The following SLC47A2 variants were observed in gnomAD, a reference collection of about 807,000 sequenced individuals.
SLC47A2 encodes multidrug and toxin extrusion protein 2.
Under a neutral mutation model 67.7 loss-of-function variants are expected in SLC47A2, and 52 were observed. The observed-to-expected ratio is 0.77, with a 90% CI of 0.61 to 0.97. The LOEUF (loss-of-function observed/expected upper bound fraction) is 0.97, where lower values mean the gene tolerates loss of function less well. Ranked by LOEUF, SLC47A2 falls within the 50% of genes least tolerant of loss-of-function variation. The probability of loss-of-function intolerance (pLI) is 0.00; values close to 1 mark genes in which losing one functional copy is unlikely to be tolerated. For synonymous variants in SLC47A2, 278 were observed against 292.9 expected (o/e 0.95, Z 0.52); for missense variants, 676 against 712.3 (o/e 0.95, Z 0.58).
At position 19,685,143 on chromosome 17, in the gene SLC47A2, A is replaced by G. The variant is rs890694156; in HGVS notation, c.1165-3473T>C. ...TTGCAGACGGAGTCTCGCTCACTCA[A>G]TGCTCAATGTTGCCCAGGCTGGAGT... On this transcript the variant is annotated intron_variant, in intron 13 of 16. Coordinates refer to ENST00000433844, the MANE Select transcript of SLC47A2 (RefSeq NM_001099646.3). The surrounding 1 kb of genome is among the most constrained non-coding windows in gnomAD (Gnocchi z 4.5). 2.6e-5 allele frequency among the ~76,000 whole-genome samples: 4 copies of G among 152,166 alleles called. No individual in the cohort carries two copies. The highest frequency in any genetic ancestry group is 2.9e-5 in the Non-Finnish European group (2 of 67,998).
At chr17:19,697,589 T>C (rs1242124212) in intron 13 of SLC47A2, among the ~76,000 whole-genome samples, 2 of 152,172 alleles carry the variant, frequency 1.3e-5, no homozygotes, top group African/African-American at 4.8e-5. Flanking sequence ...AAATTTGTTT[T>C]ATTTATTTTG....
At chr17:19,687,401 C>T (rs967736937) in intron 13 of SLC47A2, among the ~76,000 whole-genome samples, 2 of 151,796 alleles carry the variant, frequency 1.3e-5, no homozygotes, top group African/African-American at 4.8e-5. Context: ...GAAAACCAAA[C>T]CCAAAATTAG....
chr17:19,695,780 A>G (rs1368822017), intron 13 of SLC47A2, among the ~76,000 whole-genome samples: 4 of 150,978 alleles, frequency 2.6e-5, no homozygotes, highest in Non-Finnish European at 5.9e-5. Context: ...CTGGTGTGTA[A>G]TGGCACAACC....
At chr17:19,716,168 G>T in intron 1 of SLC47A2, 1 of 456,472 alleles carries the variant, frequency 2.2e-6, no homozygotes. Context: ...TCAGGCTTTT[G>T]TGGGTTTCCA....
In SLC47A2 at chr17:19,678,713, C is replaced by T. The variant is rs542720147; in HGVS notation, c.1674G>A (p.Thr558=). The T allele has an allele frequency of 2.7e-5, 44 of 1,613,142 alleles. No homozygotes were observed. The highest frequency in any genetic ancestry group is 2.7e-4 in the East Asian group (12 of 44,876). The part of the protein sequence containing the change: ...AASATLMVGL[T]VRILATRH ...AGTGCCTGGTGGCTAGGATCCTGAC[C>T]GTGAGCCCCACCATCAGTGTGGCTG... The change falls in exon 17 of 17, where the codon ACG becomes ACA. Residue 558 remains threonine, a synonymous_variant. Coordinates refer to ENST00000433844, the MANE Select transcript of SLC47A2 (RefSeq NM_001099646.3).
chr17:19,679,698 A>G (rs1157265055), intron 16 of SLC47A2, among the ~76,000 whole-genome samples: 2 of 152,026 alleles, frequency 1.3e-5, no homozygotes, highest in African/African-American at 4.8e-5. Context: ...TCACTTCCTC[A>G]TCTGAAAATG....
intron 13 of SLC47A2, among the ~76,000 whole-genome samples, chr17:19,682,332 C>CAA (rs1008100860): frequency 7.2e-5 from 10 of 138,604 alleles, no homozygotes; most frequent in Admixed American, 6.9e-4. Flanking sequence ...GACTTGGTCA[C>CAA]ACACACACAC....
At chr17:19,679,372 G>T (rs886331621) in intron 16 of SLC47A2, among the ~76,000 whole-genome samples, 1 of 152,194 alleles carries the variant, frequency 6.6e-6, no homozygotes, top group Non-Finnish European at 1.5e-5. Context: ...CACACGCCTG[G>T]CACTCAGGAC....
intron 5 of SLC47A2, 23 bp downstream of exon 5, chr17:19,712,680 G>T (rs202066716): frequency 5.6e-6 from 9 of 1,611,532 alleles, no homozygotes; most frequent in Non-Finnish European, 7.6e-6. Flanking sequence ...GTGATTCCAC[G>T]CTCAGCAAAC....
At chr17:19,679,473 GAGGT>G (rs2085265569) in intron 16 of SLC47A2, among the ~76,000 whole-genome samples, 1 of 152,170 alleles carries the variant, frequency 6.6e-6, no homozygotes, top group African/African-American at 2.4e-5. Flanking sequence ...GGGGTGGAGA[GAGGT>G]AGATAGCAGG....
chr17:19,681,230 A>AAACAAAC (rs2085306977), intron 15 of SLC47A2, 137 bp downstream of exon 15: 1 of 684,486 alleles, frequency 1.5e-6, no homozygotes, highest in Admixed American at 3.0e-5. Flanking sequence ...AACAAACAAA[A>AAACAAAC]AAAAAAAACA....
At chr17:19,716,668 T>A (rs2086278148), upstream of SLC47A2, 2 of 1,417,990 alleles carry the variant, frequency 1.4e-6, no homozygotes, top group South Asian at 3.1e-5. Flanking sequence ...GGCTGATGAG[T>A]AAGGGGCAGG....
rs371191511 is a variant in SLC47A2, at chr17:19,708,349, G to A, written c.582C>T (p.Asn194=). Residue 194 remains asparagine (N), a synonymous_variant, in exon 7 of 17, where the codon AAC becomes AAT. Transcript: ENST00000433844. ...VLSGVVGNCV[N]GVANYALVSV... ...AAACCAGGGCATAGTTGGCCACACC[G>A]TTGACACAGTTGCCCACCACACCAC... 2.6e-5 allele frequency: 42 copies of A among 1,613,756 alleles called. No homozygotes were observed. The highest frequency in any genetic ancestry group is 1.1e-4 in the African/African-American group (8 of 74,932).
intron 13 of SLC47A2, among the ~76,000 whole-genome samples, chr17:19,693,996 T>C (rs1325242198): frequency 6.6e-6 from 1 of 152,162 alleles, no homozygotes; most frequent in Admixed American, 6.5e-5. Context: ...ATGAACAATC[T>C]AAAATGAAAT....
intron 13 of SLC47A2, among the ~76,000 whole-genome samples, chr17:19,687,972 T>TA (rs2085461753): frequency 6.6e-6 from 1 of 152,094 alleles, no homozygotes; most frequent in African/African-American, 2.4e-5. Context: ...AAAGAACCAA[T>TA]ACCAGTCCTA....
chr17:19,701,333 G>A (rs1167300503), intron 13 of SLC47A2, among the ~76,000 whole-genome samples: 6 of 152,110 alleles, frequency 3.9e-5, no homozygotes, highest in African/African-American at 1.4e-4. Context: ...CGAGCTTGTC[G>A]CTTTCTGAAT....
chr17:19,682,368 TTTATTA>T (rs1309126245), intron 13 of SLC47A2, among the ~76,000 whole-genome samples: 1 of 113,212 alleles, frequency 8.8e-6, no homozygotes, highest in African/African-American at 3.4e-5. Context: ...CACACACAAA[TTTATTA>T]TTTTATTTTA....
At chr17:19,706,354 C>T (rs984071277) in intron 9 of SLC47A2, among the ~76,000 whole-genome samples, 3 of 152,222 alleles carry the variant, frequency 2.0e-5, no homozygotes, top group East Asian at 1.9e-4. Flanking sequence ...CCCACGGGCA[C>T]CTGCTCTGCC....
chr17:19,710,720 T>TGTG (rs2086071442), intron 5 of SLC47A2, among the ~76,000 whole-genome samples: 4 of 152,038 alleles, frequency 2.6e-5, no homozygotes, highest in Non-Finnish European at 5.9e-5. Context: ...CCCAAAGTGC[T>TGTG]AGGATTACAG....
Sources: gnomAD v4.1 joint callset for allele counts (sites outside exome capture counted in the v4.1 genomes callset) on GRCh38, gnomAD v4.1.1 for gene constraint, Gnocchi (gnomAD v3.1) non-coding constraint, MANE v1.5 for transcripts, NCBI Gene and HGNC (gene_info 2026-07-23, HGNC 2026-07-21) for gene names.